Variants in SHANK2 observed in about 807,000 individuals in gnomAD.
The protein encoded by SHANK2 is SH3 and multiple ankyrin repeat domains protein 2.
SHANK2 carries 43 observed loss-of-function variants against 133.7 expected under a neutral mutation model. The observed-to-expected ratio is 0.32, with a 90% CI of 0.25 to 0.41. The LOEUF is 0.41. Among genes scored for constraint, SHANK2 ranks in the 10% least tolerant of loss-of-function variants. SHANK2 has a pLI of 1.00. For synonymous variants in SHANK2, 1,017 were observed against 952.8 expected (o/e 1.07, Z -1.24); for missense variants, 1,994 against 2,235.8 (o/e 0.89, Z 2.18).
At chr11:70,749,186 T>C (rs1555036937) in intron 14 of SHANK2, among the ~76,000 whole-genome samples, 1 of 152,072 alleles carries the variant, frequency 6.6e-6, no homozygotes, top group African/African-American at 2.4e-5. Context: ...GGGGAAGAAG[T>C]GCAGGCAACT....
At chr11:70,781,584 T>TATATATATATATATATATATATA (rs1565311807) in intron 14 of SHANK2, among the ~76,000 whole-genome samples, 5 of 14,502 alleles carry the variant, frequency 3.4e-4, no homozygotes, top group South Asian at 2.8e-3. Context: ...ATATATATAT[T>TATATATATATATATATATATATA]TACTTATTTA....
intron 2 of SHANK2, among the ~76,000 whole-genome samples, chr11:71,169,538 G>T (rs1431047824): frequency 6.6e-6 from 1 of 152,154 alleles, no homozygotes; most frequent in Non-Finnish European, 1.5e-5. Context: ...ATCACCCGAG[G>T]TCAGGAGTTC....
chr11:70,526,385 T>G (rs1554972122), intron 17 of SHANK2, among the ~76,000 whole-genome samples: 1 of 152,224 alleles, frequency 6.6e-6, no homozygotes. Flanking sequence ...TGGCTCTCGC[T>G]GGGTCACAGA....
chr11:71,138,813 GA>G (rs1405714307), intron 3 of SHANK2, among the ~76,000 whole-genome samples: 394 of 143,020 alleles, frequency 2.8e-3, no homozygotes, highest in African/African-American at 0.01. Flanking sequence ...AAAAAGAAAA[GA>G]AAAAGAAAAA....
chr11:70,515,649 A>C lies in SHANK2; in HGVS notation c.2062-12718T>G, dbSNP rs180880879. 3.5e-3 allele frequency among the ~76,000 whole-genome samples: 528 copies of C among 150,830 alleles called. 7 individuals are homozygous for C. Among genetic ancestry groups the C allele is most frequent in the Middle Eastern group, 0.024 (7 of 294 alleles). ...GACCTCGTTCCTTGAAAAAAAAAAAAAAAAAAAAAAACATTTAAAAGTTAG... is the reference window on the plus strand; with the variant it reads ...GACCTCGTTCCTTGAAAAAAAAAAACAAAAAAAAAAACATTTAAAAGTTAG... On this transcript the variant is annotated intron_variant, in intron 17 of 25. Transcript: ENST00000601538.
At chr11:71,138,819 G>T (rs868945223) in intron 3 of SHANK2, among the ~76,000 whole-genome samples, 1 of 146,310 alleles carries the variant, frequency 6.8e-6, no homozygotes, top group East Asian at 2.0e-4. Flanking sequence ...AAAAGAAAAA[G>T]AAAAAGAAAA....
intron 10 of SHANK2, among the ~76,000 whole-genome samples, chr11:70,949,119 A>T (rs1200306363): frequency 6.6e-6 from 1 of 152,304 alleles, no homozygotes; most frequent in East Asian, 1.9e-4. Context: ...AATACACTGG[A>T]TAAACACACC....
At position 70,895,182 on chromosome 11, in the gene SHANK2, T is replaced by A. The variant is rs560387019; in HGVS notation, c.1174+1319A>T. On this transcript the variant is annotated intron_variant, in intron 11 of 25. Transcript: ENST00000601538. Reference sequence around the variant, plus strand: ...GGTGCTTGATGACGCAAGCCATGCATCTGGCTCTGCATCCTCGTGCGGTTC... The same window carrying A: ...GGTGCTTGATGACGCAAGCCATGCAACTGGCTCTGCATCCTCGTGCGGTTC... Among the ~76,000 whole-genome samples, 3 of 152,312 alleles carry A rather than the reference T, an allele frequency of 2.0e-5. No individual in the cohort carries two copies. In the East Asian group the frequency reaches 5.8e-4, roughly 29 times the overall value.
chr11:70,539,686 C>T (rs984413763), intron 17 of SHANK2, among the ~76,000 whole-genome samples: 4 of 152,210 alleles, frequency 2.6e-5, no homozygotes, highest in African/African-American at 7.2e-5. Context: ...GTAATCTGGG[C>T]GCTGACCCAT....
At chr11:70,755,938 C>A (rs1946863104) in intron 14 of SHANK2, among the ~76,000 whole-genome samples, 1 of 152,206 alleles carries the variant, frequency 6.6e-6, no homozygotes. Flanking sequence ...GAATACCCAG[C>A]CCTCCCAGCT....
chr11:71,130,501 T>C lies in SHANK2; in HGVS notation c.208-11469A>G, dbSNP rs1555103477. ...GACGGGTGATTTTGGAAGATTGTAG[T>C]GAGGGCAAGGAAGTGTCTAGACAAA... On this transcript the variant is annotated intron_variant, in intron 3 of 25. Transcript: ENST00000601538. 3.9e-5 allele frequency among the ~76,000 whole-genome samples: 6 copies of C among 152,162 alleles called. No individual in the cohort carries two copies. In the South Asian group the frequency reaches 1.2e-3, roughly 32 times the overall value.
chr11:70,935,844 T>C lies in SHANK2; in HGVS notation c.1108-39277A>G, dbSNP rs537249457. ...GCGACTCTTTGCCCTGAGTTCCTCG[T>C]CATGTGAGCGGGCCTCTTACACCGC... On this transcript the variant is annotated intron_variant, in intron 10 of 25. Transcript: ENST00000601538. Among the ~76,000 whole-genome samples the C allele has an allele frequency of 3.1e-4, 47 of 152,304 alleles. 2 individuals carry two copies. Among genetic ancestry groups the C allele is most frequent in the Admixed American group, 2.5e-3 (38 of 15,294 alleles).
At position 70,485,529 on chromosome 11, in the gene SHANK2, A is replaced by T; in HGVS notation, c.4764T>A (p.Ser1588Arg). 1 of 1,613,172 alleles carries T rather than the reference A, an allele frequency of 6.2e-7. No homozygotes were observed. Among genetic ancestry groups the T allele is most frequent in the Non-Finnish European group, 8.5e-7 (1 of 1,180,028 alleles). The change falls in exon 25 of 26, where the codon AGT becomes AGA. Residue 1588 changes from serine (S) to arginine (R), a missense_variant. Around this residue, in one of 5 missense-constraint regions of SHANK2, gnomAD observed 797 missense variants for 907.4 expected, o/e 0.88. Transcript: ENST00000601538. The surrounding 1 kb of genome is among the most constrained non-coding windows in gnomAD (Gnocchi z 5.8). ...PPPAPPPPPG[S>R]AQPGMAKVLQ... Reference sequence around the variant, plus strand: ...GAACCTTGGCCATCCCAGGCTGGGCACTGCCCGGCGGGGGCGGGGGAGCGG... The same window carrying T: ...GAACCTTGGCCATCCCAGGCTGGGCTCTGCCCGGCGGGGGCGGGGGAGCGG...
intron 17 of SHANK2, among the ~76,000 whole-genome samples, chr11:70,623,320 G>A (rs1591663215): frequency 1.1e-5 from 1 of 92,314 alleles, no homozygotes; most frequent in South Asian, 3.5e-4. Context: ...CACCTCCTCC[G>A]AGGTTGCCGA....
Position 70,830,458 on chromosome 11 carries a change from G to A in SHANK2, c.1175-9776C>T, listed in dbSNP as rs78519252. Among the ~76,000 whole-genome samples the A allele has an allele frequency of 0.022, 3,312 of 152,166 alleles. 143 individuals carry two copies. The highest frequency in any genetic ancestry group is 0.075 in the African/African-American group (3,131 of 41,494). On this transcript the variant is annotated intron_variant, in intron 11 of 25. Transcript: ENST00000601538. This position sits in a 1 kb window ranked among gnomAD's most constrained non-coding sequence, Gnocchi z 4.4. ...TCTCCTGCCATCTGCACACAGGCCCGGCCCTTCACCCTCCAAGCCACGGAG... is the reference window on the plus strand; with the variant it reads ...TCTCCTGCCATCTGCACACAGGCCCAGCCCTTCACCCTCCAAGCCACGGAG...
chr11:70,808,596 A>G (rs986674498), intron 12 of SHANK2, among the ~76,000 whole-genome samples: 2 of 147,086 alleles, frequency 1.4e-5, no homozygotes, highest in Non-Finnish European at 3.0e-5. Context: ...TTGGCCAGGC[A>G]TGGTGCTGTG....
chr11:70,659,566 C>T lies in SHANK2; in HGVS notation c.2061+262G>A, dbSNP rs894952707. On this transcript the variant is annotated intron_variant, in intron 17 of 25. Coordinates refer to ENST00000601538, the MANE Select transcript of SHANK2 (RefSeq NM_012309.5). ...GTGACCACATGCCTCCTCTTTCTAC[C>T]TTCTACTTCAAGACCAATGACCAAA... Among the ~76,000 whole-genome samples, 11 of 152,170 alleles carry T rather than the reference C, an allele frequency of 7.2e-5. 1 individual carries two copies. Among genetic ancestry groups the T allele is most frequent in the Admixed American group, 2.6e-4 (4 of 15,290 alleles).
chr11:70,888,710 G>A lies in SHANK2; in HGVS notation c.1174+7791C>T, dbSNP rs113470827. 6.4e-3 allele frequency among the ~76,000 whole-genome samples: 973 copies of A among 152,154 alleles called. 8 individuals are homozygous for A. Among genetic ancestry groups the A allele is most frequent in the African/African-American group, 0.022 (907 of 41,510 alleles). On this transcript the variant is annotated intron_variant, in intron 11 of 25. Coordinates refer to ENST00000601538, the MANE Select transcript of SHANK2 (RefSeq NM_012309.5). ...CAGGTGCCTGTAATCCCAGCTACTCGGGAGGCTGAGGCAGCAGAATCGCTT... is the reference window on the plus strand; with the variant it reads ...CAGGTGCCTGTAATCCCAGCTACTCAGGAGGCTGAGGCAGCAGAATCGCTT...
At chr11:71,168,124 C>T (rs1555111499) in intron 2 of SHANK2, among the ~76,000 whole-genome samples, 2 of 138,720 alleles carry the variant, frequency 1.4e-5, no homozygotes, top group African/African-American at 2.8e-5. Context: ...GGTTGCCAGG[C>T]AGAGGGTCTC....
Sources: allele counts gnomAD v4.1 joint callset (sites outside exome capture counted in the v4.1 genomes callset), GRCh38; gene constraint gnomAD v4.1.1; regional missense constraint gnomAD v4.1.1; non-coding constraint Gnocchi (gnomAD v3.1); transcripts MANE v1.5; gene names NCBI Gene and HGNC (gene_info 2026-07-23, HGNC 2026-07-21).